The following TMEM164 variants were observed in gnomAD, a reference collection of about 807,000 sequenced individuals.
TMEM164 encodes transmembrane protein 164, also known as RP13-360B22.2.
A neutral mutation model predicts 18.8 loss-of-function variants in TMEM164; 4 were observed. The ratio of observed to expected loss-of-function variants is 0.21; its 90% CI spans 0.10 to 0.49. The LOEUF (loss-of-function observed/expected upper bound fraction) is 0.49, where lower values mean the gene tolerates loss of function less well. Among genes scored for constraint, TMEM164 ranks in the 20% least tolerant of loss-of-function variants. The pLI, the probability that TMEM164 is intolerant of heterozygous loss-of-function variation, is 0.98. For missense variants in TMEM164, 108 were observed against 239.9 expected, an observed-to-expected ratio of 0.45 and a Z score of 3.63; for synonymous variants, 86 against 101.7, an observed-to-expected ratio of 0.85 and a Z score of 0.93.
In TMEM164 at chrX:110,119,404, G is replaced by T. The variant is rs759194861; in HGVS notation, c.507+10258G>T. Among the ~76,000 whole-genome samples, 29 of 111,301 alleles carry T rather than the reference G, an allele frequency of 2.6e-4. 1 individual carries two copies. Among genetic ancestry groups the T allele is most frequent in the Non-Finnish European group, 5.1e-4 (27 of 53,057 alleles). ...AGCACAGGAGTTTGACACAAGCCTG[G>T]GCAACATAGCGAGACCCCATTTCTT... On this transcript the variant is annotated intron_variant, in intron 4 of 6. Transcript: ENST00000372068.
intron 3 of TMEM164, among the ~76,000 whole-genome samples, chrX:110,070,088 G>A (rs923848420): frequency 1.8e-5 from 2 of 111,520 alleles, no homozygotes; most frequent in African/African-American, 3.3e-5. Context: ...GGCTGAGGCG[G>A]GTGGATCACT....
intron 5 of TMEM164, among the ~76,000 whole-genome samples, chrX:110,159,569 A>G (rs1429090207): frequency 9.0e-6 from 1 of 110,528 alleles, no homozygotes; most frequent in African/African-American, 3.3e-5. Context: ...CATGGATGTT[A>G]AAATCACCCA....
chrX:110,134,599 C>A lies in TMEM164; in HGVS notation c.508-10199C>A, dbSNP rs187550188. On this transcript the variant is annotated intron_variant, in intron 4 of 6. Coordinates refer to ENST00000372068, the MANE Select transcript of TMEM164 (RefSeq NM_032227.4). ...AAAAAAAAAAAAGGACCAGTGGCTGCCCCCCCGCTTAATTATGCCCCCCTG... is the reference window on the plus strand; with the variant it reads ...AAAAAAAAAAAAGGACCAGTGGCTGACCCCCCGCTTAATTATGCCCCCCTG... Among the ~76,000 whole-genome samples the A allele has an allele frequency of 6.0e-3, 616 of 101,862 alleles. 6 individuals carry two copies. The highest frequency in any genetic ancestry group is 0.022 in the African/African-American group (597 of 27,412). The allele number at this position is 101,862 out of a possible 115,157, so 88.5% of individuals were successfully genotyped here.
chrX:110,046,185 TG>T, intron 2 of TMEM164: 4 of 754,589 alleles, frequency 5.3e-6, no homozygotes, highest in Non-Finnish European at 6.3e-6. Context: ...TCAAGCTCAG[TG>T]CTGACGTTAT....
chrX:110,155,914 G>GT (rs1171206811), intron 5 of TMEM164, among the ~76,000 whole-genome samples: 1 of 111,240 alleles, frequency 9.0e-6, no homozygotes, highest in South Asian at 3.8e-4. Flanking sequence ...TATTTGTTTT[G>GT]TTTTTTTAGA....
intron 4 of TMEM164, among the ~76,000 whole-genome samples, chrX:110,124,433 A>G (rs1231857272): frequency 9.0e-6 from 1 of 111,351 alleles, no homozygotes; most frequent in Non-Finnish European, 1.9e-5. Flanking sequence ...ACCTCCCCTT[A>G]GGTCCCACAC....
At chrX:110,150,041 G>T (rs2066918132) in intron 5 of TMEM164, among the ~76,000 whole-genome samples, 1 of 111,993 alleles carries the variant, frequency 8.9e-6, no homozygotes, top group African/African-American at 3.2e-5. Flanking sequence ...TGGGGGTGGA[G>T]TGGGGAGATG....
At chrX:110,078,799 A>G (rs897637978) in intron 3 of TMEM164, among the ~76,000 whole-genome samples, 2 of 112,461 alleles carry the variant, frequency 1.8e-5, no homozygotes, top group Non-Finnish European at 3.8e-5. Context: ...AACCTAGGCA[A>G]CAATAGTGAA....
In TMEM164 at chrX:110,038,226, C is replaced by T. The variant is rs746861062; in HGVS notation, c.391-29121C>T. 3.6e-5 allele frequency among the ~76,000 whole-genome samples: 4 copies of T among 110,816 alleles called. No homozygotes were observed. In the South Asian group the frequency reaches 1.5e-3, roughly 43 times the overall value. ...CGGGATGGTCTCGATCTCCTGACCT[C>T]GTGATCCGCCCGCCTCGGCCTCCCA... is the stretch of plus-strand genomic sequence containing the variant. On this transcript the variant is annotated intron_variant, in intron 2 of 6. Transcript: ENST00000372068.
intron 5 of TMEM164, among the ~76,000 whole-genome samples, chrX:110,147,936 C>T (rs1434688074): frequency 9.1e-6 from 1 of 110,209 alleles, no homozygotes; most frequent in Non-Finnish European, 1.9e-5. Flanking sequence ...ATCTCCATGA[C>T]CTATCATTGA....
At chrX:110,066,992 C>T (rs1474947643) in intron 2 of TMEM164, among the ~76,000 whole-genome samples, 2 of 111,660 alleles carry the variant, frequency 1.8e-5, no homozygotes, top group Non-Finnish European at 3.8e-5. Context: ...ACCTTCTCCC[C>T]TGGGAGGCAA....
chrX:110,051,269 C>G (rs1444125959), intron 2 of TMEM164, among the ~76,000 whole-genome samples: 1 of 111,615 alleles, frequency 9.0e-6, no homozygotes, highest in Non-Finnish European at 1.9e-5. Flanking sequence ...ATACTGATGC[C>G]CAGGCCCCAG....
intron 2 of TMEM164, among the ~76,000 whole-genome samples, chrX:110,032,361 C>T (rs1934553392): frequency 1.8e-5 from 2 of 111,365 alleles, no homozygotes; most frequent in Admixed American, 1.9e-4. Context: ...GTGTGTTTGT[C>T]TAAACACTTA....
chrX:110,126,810 C>CTG (rs4035483), intron 4 of TMEM164, among the ~76,000 whole-genome samples: 7,826 of 69,458 alleles, frequency 0.11, 439 homozygotes, highest in Non-Finnish European at 0.13. Flanking sequence ...TGGGCCACTC[C>CTG]TGTGTGTGTG....
At position 110,173,460 on chromosome X, in the gene TMEM164, A is replaced by ATTTTT; in HGVS notation, c.*19_*23dup. 1 of 1,055,938 alleles carries ATTTTT rather than the reference A, an allele frequency of 9.5e-7. No individual in the cohort carries two copies. Among genetic ancestry groups the ATTTTT allele is most frequent in the Non-Finnish European group, 1.3e-6 (1 of 789,970 alleles). 87.0% of individuals were successfully genotyped at this position (1,055,938 alleles called of 1,213,427 possible). ...CCAAGAAAATAGACTGAAGGTGCTT[A>ATTTTT]TTTTTTTTTTTTTTCCTCCCTGAGG... On this transcript the variant is annotated 3_prime_UTR_variant, in exon 7 of 7. Coordinates refer to ENST00000372068, the MANE Select transcript of TMEM164 (RefSeq NM_032227.4).
In TMEM164 at chrX:110,173,552, A is replaced by G. The variant is rs1404491460; in HGVS notation, c.*101A>G. On this transcript the variant is annotated 3_prime_UTR_variant, in exon 7 of 7. Coordinates refer to ENST00000372068, the MANE Select transcript of TMEM164 (RefSeq NM_032227.4). The stretch of plus-strand genomic sequence containing the variant: ...TAAAATCATGGGAGAGGGCAGTAGG[A>G]TGTTTGGTGTATTTCTTTTTCCTCC... 8.8e-6 allele frequency: 6 copies of G among 678,201 alleles called. No homozygotes were observed. The highest frequency in any genetic ancestry group is 1.3e-5 in the Non-Finnish European group (6 of 459,816). The allele number at this position is 678,201 out of a possible 1,213,427, so 55.9% of individuals were successfully genotyped here. A position where few individuals can be genotyped will look rare whatever the true frequency, so the allele number is the denominator to read the frequency against.
rs1174340394 is a variant in TMEM164 at position 110,077,738 on chromosome X, T to C, written c.440+10342T>C. 2.7e-5 allele frequency among the ~76,000 whole-genome samples: 3 copies of C among 111,814 alleles called. No homozygotes were observed. In the Admixed American group the frequency reaches 2.9e-4, roughly 11 times the overall value. On this transcript the variant is annotated intron_variant, in intron 3 of 6. Transcript: ENST00000372068. Reference sequence around the variant, plus strand: ...AAGCTTAGTTTGGTGGGATATGAAATTCTTGTTTGGAATTTATTTTTTCTA... The same window carrying C: ...AAGCTTAGTTTGGTGGGATATGAAACTCTTGTTTGGAATTTATTTTTTCTA...
At chrX:110,163,822 A>C (rs1185107326) in intron 5 of TMEM164, among the ~76,000 whole-genome samples, 4 of 112,049 alleles carry the variant, frequency 3.6e-5, no homozygotes, top group Non-Finnish European at 5.6e-5. Flanking sequence ...GCTAGGACAC[A>C]GGGCAGTTCA....
At chrX:110,089,803 T>C (rs977781513) in intron 3 of TMEM164, among the ~76,000 whole-genome samples, 2 of 111,945 alleles carry the variant, frequency 1.8e-5, no homozygotes, top group Non-Finnish European at 3.8e-5. Context: ...TTTCCTCATT[T>C]GTAAAAGAAT....
Sources: gnomAD v4.1 joint callset for allele counts (sites outside exome capture counted in the v4.1 genomes callset) on GRCh38, gnomAD v4.1.1 for gene constraint, MANE v1.5 for transcripts, NCBI Gene and HGNC (gene_info 2026-07-23, HGNC 2026-07-21) for gene names.